The following UNC13C variants were observed in gnomAD, a reference collection of about 807,000 sequenced individuals.
UNC13C encodes unc-13 homolog C, also known as protein unc-13 homolog C.
A neutral mutation model predicts 245.4 loss-of-function variants in UNC13C; 174 were observed. That is an observed-to-expected ratio of 0.71 (90% CI 0.63 to 0.80). UNC13C has a LOEUF of 0.80. UNC13C is among the 30% of genes least tolerant of loss of function. UNC13C has a pLI of 0.00. For synonymous variants in UNC13C, 992 were observed against 895.1 expected (o/e 1.11, Z -1.93); for missense variants, 2,829 against 2,602.9 (o/e 1.09, Z -1.89).
chr15:54,415,538 AG>A (rs1242304600), intron 19 of UNC13C, among the ~76,000 whole-genome samples: 1 of 152,184 alleles, frequency 6.6e-6, no homozygotes, highest in African/African-American at 2.4e-5. Flanking sequence ...AGTGTAGAAA[AG>A]AGAAATACAG....
chr15:54,035,356 A>AT (rs147514378), intron 2 of UNC13C, among the ~76,000 whole-genome samples: 3,837 of 151,234 alleles, frequency 0.025, 140 homozygotes, highest in South Asian at 0.13. Flanking sequence ...CTATGTTTTT[A>AT]TTTTTTTTTG....
chr15:54,160,970 A>C (rs2032949933), intron 4 of UNC13C, among the ~76,000 whole-genome samples: 1 of 152,202 alleles, frequency 6.6e-6, no homozygotes, highest in African/African-American at 2.4e-5. Context: ...TTGAAGGTTG[A>C]TATCTTAGCC....
chr15:54,568,533 A>T (rs1040910550), intron 30 of UNC13C, among the ~76,000 whole-genome samples: 1 of 152,094 alleles, frequency 6.6e-6, no homozygotes, highest in Non-Finnish European at 1.5e-5. Context: ...AGCTTCTAGG[A>T]TATTACTGTT....
the UNC13C span, among the ~76,000 whole-genome samples, chr15:53,930,099 T>G: frequency 4.6e-5 from 7 of 152,124 alleles, no homozygotes; most frequent in Admixed American, 2.6e-4. Context: ...GCATGCAAGG[T>G]GGCCTTTCTC....
the UNC13C span, among the ~76,000 whole-genome samples, chr15:53,934,821 G>T: frequency 6.6e-6 from 1 of 152,132 alleles, no homozygotes; most frequent in Non-Finnish European, 1.5e-5. Context: ...TGTAGAGGAG[G>T]TGAGGATGGT....
intron 2 of UNC13C, among the ~76,000 whole-genome samples, chr15:54,086,737 C>CTTTTTTTTTTTT (rs57209912): frequency 0.045 from 4,149 of 91,726 alleles, 780 homozygotes; most frequent in Non-Finnish European, 0.059. Context: ...TATTTTCTTT[C>CTTTTTTTTTTTT]TTTTTTTTTT....
Position 54,220,986 on chromosome 15 carries a change from C to A in UNC13C, c.3072-14044C>A, listed in dbSNP as rs76009991. Among the ~76,000 whole-genome samples the A allele has an allele frequency of 3.8e-3, 583 of 151,998 alleles. 5 individuals carry two copies. The highest frequency in any genetic ancestry group is 0.014 in the African/African-American group (567 of 41,490). ...CAGATGCTCTTGCTGGCTTAGAGGA[C>A]AATATTTTGGAAAACGTCCCACACG... On this transcript the variant is annotated intron_variant, in intron 4 of 32. Coordinates refer to ENST00000260323, the MANE Select transcript of UNC13C (RefSeq NM_001080534.3).
intron 8 of UNC13C, among the ~76,000 whole-genome samples, chr15:54,260,313 T>C (rs1596101457): frequency 6.6e-6 from 1 of 152,268 alleles, no homozygotes; most frequent in East Asian, 1.9e-4. Flanking sequence ...TGTTTGTTTC[T>C]GTAGGAGAGG....
chr15:53,882,563 T>G, the UNC13C span, among the ~76,000 whole-genome samples: 13 of 152,160 alleles, frequency 8.5e-5, no homozygotes, highest in Non-Finnish European at 1.5e-4. Context: ...AAAAGACATT[T>G]CAATACTATT....
downstream of UNC13C, chr15:54,632,459 A>G (rs928680373): frequency 7.9e-5 from 12 of 152,162 alleles, no homozygotes; most frequent in Admixed American, 6.6e-4. Context: ...TGGAAATTTT[A>G]TACTTTGGGG....
At chr15:53,980,086 T>C (rs763616088) in intron 1 of UNC13C, among the ~76,000 whole-genome samples, 11 of 152,180 alleles carry the variant, frequency 7.2e-5, no homozygotes, top group Non-Finnish European at 1.6e-4. Context: ...TCCCACTTTC[T>C]TATGATTAAA....
intron 17 of UNC13C, among the ~76,000 whole-genome samples, chr15:54,359,606 G>T (rs889459827): frequency 6.6e-5 from 10 of 151,612 alleles, no homozygotes; most frequent in African/African-American, 2.2e-4. Context: ...ATTTCTTATA[G>T]ATTTTTCCAC....
intron 14 of UNC13C, among the ~76,000 whole-genome samples, chr15:54,331,695 G>T (rs989545054): frequency 6.6e-6 from 1 of 152,084 alleles, no homozygotes; most frequent in African/African-American, 2.4e-5. Context: ...TCTTGCTGAC[G>T]CATTATATTG....
intron 15 of UNC13C, among the ~76,000 whole-genome samples, chr15:54,332,824 ATATC>A (rs2038475190): frequency 6.6e-6 from 1 of 152,060 alleles, no homozygotes; most frequent in Non-Finnish European, 1.5e-5. Context: ...TTATTTTAAC[ATATC>A]TATCTCCCAT....
intron 12 of UNC13C, among the ~76,000 whole-genome samples, chr15:54,299,325 T>G (rs1048863759): frequency 1.3e-5 from 2 of 152,138 alleles, no homozygotes; most frequent in African/African-American, 4.8e-5. Context: ...GTAATTTTAT[T>G]TCGTTACAAA....
intron 1 of UNC13C, among the ~76,000 whole-genome samples, chr15:54,000,336 A>T (rs1236680509): frequency 6.6e-5 from 10 of 152,142 alleles, no homozygotes; most frequent in Admixed American, 3.3e-4. Context: ...TGATCTACTG[A>T]AGATAATGAC....
At chr15:54,264,636 A>G (rs557731335) in intron 9 of UNC13C, among the ~76,000 whole-genome samples, 33 of 151,478 alleles carry the variant, frequency 2.2e-4, no homozygotes, top group Non-Finnish European at 4.4e-4. Flanking sequence ...GTTTTTCAAT[A>G]TATTCACCTG....
chr15:54,391,131 T>TAA (rs2039947481), intron 17 of UNC13C, among the ~76,000 whole-genome samples: 1 of 152,134 alleles, frequency 6.6e-6, no homozygotes, highest in Non-Finnish European at 1.5e-5. Flanking sequence ...GCAAAAATGA[T>TAA]AAGTGGCTGT....
chr15:54,475,356 T>C (rs922135249), intron 19 of UNC13C, among the ~76,000 whole-genome samples: 34 of 151,494 alleles, frequency 2.2e-4, no homozygotes, highest in Admixed American at 2.0e-3. Context: ...GTGCACAATG[T>C]GCAGGTTAGT....
Sources: allele counts gnomAD v4.1 joint callset (sites outside exome capture counted in the v4.1 genomes callset), GRCh38; gene constraint gnomAD v4.1.1; transcripts MANE v1.5; gene names NCBI Gene and HGNC (gene_info 2026-07-23, HGNC 2026-07-21).